GRHL2: variants seen among roughly 807,000 people sequenced by gnomAD.
GRHL2 encodes grainyhead like transcription factor 2.
Under a neutral mutation model 83.8 loss-of-function variants are expected in GRHL2, and 21 were observed. The observed-to-expected ratio is 0.25, with a 90% CI of 0.18 to 0.36. The LOEUF (loss-of-function observed/expected upper bound fraction) is 0.36, where lower values mean the gene tolerates loss of function less well. Among genes scored for constraint, GRHL2 ranks in the 10% least tolerant of loss-of-function variants. The probability of loss-of-function intolerance (pLI) is 1.00; values close to 1 mark genes in which losing one functional copy is unlikely to be tolerated. For missense variants in GRHL2, 623 were observed against 781.8 expected (o/e 0.80, Z 2.42); for synonymous variants, 280 against 278.9 (o/e 1.00, Z -0.04).
At chr8:101,678,554 G>C in the GRHL2 span, among the ~76,000 whole-genome samples, 6 of 152,138 alleles carry the variant, frequency 3.9e-5, no homozygotes, top group East Asian at 9.7e-4. Context: ...AAGCAGCCGG[G>C]AAGCTCGAAC....
At chr8:101,586,935 T>C (rs941675727) in intron 7 of GRHL2, among the ~76,000 whole-genome samples, 1 of 152,228 alleles carries the variant, frequency 6.6e-6, no homozygotes, top group Admixed American at 6.5e-5. Flanking sequence ...TATTTTATTG[T>C]ACTATAAACA....
chr8:101,561,434 A>C (rs1275695739), intron 4 of GRHL2, among the ~76,000 whole-genome samples: 4 of 152,184 alleles, frequency 2.6e-5, no homozygotes. Context: ...CATCCCCAAC[A>C]TCCACAACTA....
intron 7 of GRHL2, among the ~76,000 whole-genome samples, chr8:101,585,888 A>G (rs1231583504): frequency 1.3e-5 from 2 of 151,988 alleles, no homozygotes; most frequent in South Asian, 2.1e-4. Context: ...CATTCTGTTG[A>G]GGCTAGTATC....
At chr8:101,524,416 T>G (rs530479345) in intron 1 of GRHL2, among the ~76,000 whole-genome samples, 1 of 152,306 alleles carries the variant, frequency 6.6e-6, no homozygotes, top group South Asian at 2.1e-4. Flanking sequence ...TCTAACACGT[T>G]ACATGCTTAG....
chr8:101,528,974 G>A (rs762892396), intron 1 of GRHL2: 2 of 344,436 alleles, frequency 5.8e-6, no homozygotes, highest in South Asian at 4.8e-5. Context: ...ACATGGACTT[G>A]TTCAGCCCTC....
chr8:101,594,536 C>T (rs577282431), intron 7 of GRHL2, among the ~76,000 whole-genome samples: 2 of 152,310 alleles, frequency 1.3e-5, no homozygotes, highest in South Asian at 2.1e-4. Flanking sequence ...TTTTATTTGT[C>T]GGACAACTAT....
At chr8:101,574,408 C>T (rs1444390534) in intron 6 of GRHL2, among the ~76,000 whole-genome samples, 1 of 152,218 alleles carries the variant, frequency 6.6e-6, no homozygotes, top group Middle Eastern at 3.2e-3. Context: ...CAGCTTCTGG[C>T]GTACTTGCTA....
intron 13 of GRHL2, among the ~76,000 whole-genome samples, chr8:101,644,478 C>T (rs1813468639): frequency 6.6e-6 from 1 of 152,232 alleles, no homozygotes; most frequent in Non-Finnish European, 1.5e-5. Flanking sequence ...ACAGACTCAT[C>T]CAGCAGCAAG....
In GRHL2 at chr8:101,501,103, A is replaced by G. The variant is rs1439612384; in HGVS notation, c.20+8314A>G. ...AGTGCTAGAAAAGCTGGTGCATTTC[A>G]GGAGATTTCAATGTATATTTTGAAA... On this transcript the variant is annotated intron_variant, in intron 1 of 15. Transcript: ENST00000646743. Among the ~76,000 whole-genome samples the G allele has an allele frequency of 2.0e-5, 3 of 152,368 alleles. 1 individual carries two copies. The highest frequency in any genetic ancestry group is 7.2e-5 in the African/African-American group (3 of 41,594).
At chr8:101,549,669 C>T (rs1211694731) in intron 2 of GRHL2, among the ~76,000 whole-genome samples, 3 of 152,174 alleles carry the variant, frequency 2.0e-5, no homozygotes, top group African/African-American at 4.8e-5. Context: ...GGCCTTTCCT[C>T]GTCTGGCCTT....
intron 14 of GRHL2, among the ~76,000 whole-genome samples, chr8:101,658,161 G>A (rs1479861077): frequency 5.3e-5 from 8 of 152,242 alleles, no homozygotes; most frequent in Non-Finnish European, 1.5e-5. Context: ...CTTTGATGCT[G>A]AGAGTTGCAC....
rs185844249 is a variant in GRHL2, at chr8:101,511,307, C to T, written c.20+18518C>T. On this transcript the variant is annotated intron_variant, in intron 1 of 15. Coordinates refer to ENST00000646743, the MANE Select transcript of GRHL2 (RefSeq NM_024915.4). ...GGGGCAAAGGCTAAGCATATTGAAG[C>T]CTTTGATAGATTGCTCTCCAAAAAT... is the stretch of plus-strand genomic sequence containing the variant. Among the ~76,000 whole-genome samples the T allele has an allele frequency of 3.2e-3, 487 of 152,212 alleles. 3 individuals are homozygous for T. The highest frequency in any genetic ancestry group is 0.027 in the Middle Eastern group (8 of 294).
At chr8:101,581,404 C>T (rs548943549) in intron 7 of GRHL2, among the ~76,000 whole-genome samples, 45 of 152,310 alleles carry the variant, frequency 3.0e-4, no homozygotes, top group Middle Eastern at 3.4e-3. Flanking sequence ...CTCTGAGTCT[C>T]ACAAGTTCAC....
chr8:101,521,456 T>C (rs1810681243), intron 1 of GRHL2, among the ~76,000 whole-genome samples: 1 of 152,202 alleles, frequency 6.6e-6, no homozygotes, highest in African/African-American at 2.4e-5. Context: ...GGCTACCACA[T>C]GGTCCCCATG....
At chr8:101,652,438 G>GGTGTGTGTGGTGT (rs762539143) in intron 14 of GRHL2, among the ~76,000 whole-genome samples, 1 of 65,352 alleles carries the variant, frequency 1.5e-5, no homozygotes, top group African/African-American at 9.8e-5. Flanking sequence ...GTGTGTGTCT[G>GGTGTGTGTGGTGT]GTGTGTGTGG....
intron 7 of GRHL2, among the ~76,000 whole-genome samples, chr8:101,588,403 G>A (rs113517513): frequency 6.6e-6 from 1 of 152,110 alleles, no homozygotes; most frequent in Non-Finnish European, 1.5e-5. Context: ...AAAGTACACA[G>A]GACTAGCAAC....
intron 1 of GRHL2, among the ~76,000 whole-genome samples, chr8:101,540,021 T>G (rs1408202891): frequency 1.3e-5 from 2 of 152,200 alleles, no homozygotes; most frequent in Non-Finnish European, 2.9e-5. Flanking sequence ...GGGCTCTCAA[T>G]AAATATTTAA....
intron 4 of GRHL2, among the ~76,000 whole-genome samples, chr8:101,560,346 G>A (rs1158069827): frequency 6.6e-6 from 1 of 152,144 alleles, no homozygotes; most frequent in Non-Finnish European, 1.5e-5. Flanking sequence ...TGTTTTAGTA[G>A]TTGTTTTTTA....
At chr8:101,625,301 A>G (rs972469329) in intron 9 of GRHL2, among the ~76,000 whole-genome samples, 1 of 152,088 alleles carries the variant, frequency 6.6e-6, no homozygotes, top group Non-Finnish European at 1.5e-5. Context: ...ACAGGGATTA[A>G]GGATTCTCCT....
Sources: allele counts gnomAD v4.1 joint callset (sites outside exome capture counted in the v4.1 genomes callset), GRCh38; gene constraint gnomAD v4.1.1; transcripts MANE v1.5; gene names NCBI Gene and HGNC (gene_info 2026-07-23, HGNC 2026-07-21).